MSH4: variants seen among roughly 807,000 people sequenced by gnomAD.
The protein encoded by MSH4 is mutS homolog 4.
A neutral mutation model predicts 113.7 loss-of-function variants in MSH4; 106 were observed. The ratio of observed to expected loss-of-function variants is 0.93; its 90% CI spans 0.80 to 1.10. MSH4 has a LOEUF of 1.10. Among genes scored for constraint, MSH4 ranks in the 50% least tolerant of loss-of-function variants. The probability of loss-of-function intolerance (pLI) is 0.00; values close to 1 mark genes in which losing one functional copy is unlikely to be tolerated. For synonymous variants in MSH4, 368 were observed against 380.2 expected, an observed-to-expected ratio of 0.97 and a Z score of 0.37; for missense variants, 1,061 against 1,093.7, an observed-to-expected ratio of 0.97 and a Z score of 0.42.
intron 7 of MSH4, 60 bp from the exon 8 acceptor site, chr1:75,848,149 A>C: frequency 9.5e-7 from 1 of 1,052,508 alleles, no homozygotes; most frequent in Non-Finnish European, 1.4e-6. Context: ...TATTTTACAT[A>C]GTCAATATTT....
At chr1:75,896,213 TG>T (rs1260609824) in intron 17 of MSH4, among the ~76,000 whole-genome samples, 1 of 152,168 alleles carries the variant, frequency 6.6e-6, no homozygotes, top group Non-Finnish European at 1.5e-5. Flanking sequence ...GTCTACAGCT[TG>T]CAGGCATTTG....
chr1:75,867,628 T>G, intron 9 of MSH4, 40 bp downstream of exon 9: 1 of 1,319,264 alleles, frequency 7.6e-7, no homozygotes, highest in Non-Finnish European at 1.1e-6. Flanking sequence ...ATGTCCAGCA[T>G]TATTTTTTAA....
At chr1:75,804,036 C>A in intron 2 of MSH4, 123 bp downstream of exon 2, 1 of 586,662 alleles carries the variant, frequency 1.7e-6, no homozygotes, top group Non-Finnish European at 2.6e-6. Context: ...AAAATAAATA[C>A]ATTAGTTTAC....
chr1:75,908,471 C>A (rs1652716618), intron 19 of MSH4, among the ~76,000 whole-genome samples: 1 of 152,128 alleles, frequency 6.6e-6, no homozygotes, highest in Non-Finnish European at 1.5e-5. Context: ...TATTAAATTT[C>A]TCTGATAAAT....
At chr1:75,907,883 A>T (rs1652702902) in intron 19 of MSH4, among the ~76,000 whole-genome samples, 1 of 149,772 alleles carries the variant, frequency 6.7e-6, no homozygotes, top group Non-Finnish European at 1.5e-5. Context: ...TGCCTGTCTA[A>T]TTTTTTTAGT....
chr1:75,845,489 G>C (rs765218303), intron 7 of MSH4, among the ~76,000 whole-genome samples: 1 of 152,182 alleles, frequency 6.6e-6, no homozygotes, highest in Non-Finnish European at 1.5e-5. Flanking sequence ...AAGGAAATCA[G>C]TTCAAACCTC....
intron 8 of MSH4, among the ~76,000 whole-genome samples, chr1:75,862,078 C>T (rs188705376): frequency 7.9e-5 from 12 of 152,130 alleles, no homozygotes; most frequent in African/African-American, 1.2e-4. Flanking sequence ...TCTCTGTGGG[C>T]GTGGAACCTG....
chr1:75,908,016 A>G lies in MSH4; in HGVS notation c.2620-4680A>G, dbSNP rs542167558. On this transcript the variant is annotated intron_variant, in intron 19 of 19. Coordinates refer to ENST00000263187, the MANE Select transcript of MSH4 (RefSeq NM_002440.4). ...TGAGCCACTGTGCCTGGCTAATCTC[A>G]CTGATTCTTTCTTCTGCTTGATCTA... is the stretch of plus-strand genomic sequence containing the variant. 9.4e-5 allele frequency among the ~76,000 whole-genome samples: 14 copies of G among 149,380 alleles called. No homozygotes were observed. The South Asian group carries it at 2.8e-3, about 29-fold the overall frequency.
At position 75,892,038 on chromosome 1, in the gene MSH4, T is replaced by C. The variant is rs368348029; in HGVS notation, c.2355+1214T>C. 3.9e-4 allele frequency among the ~76,000 whole-genome samples: 60 copies of C among 152,252 alleles called. 1 individual carries two copies. Among genetic ancestry groups the C allele is most frequent in the African/African-American group, 1.4e-3 (59 of 41,538 alleles). ...AGGGTGTTTCTGGATGAGATTAGAA[T>C]TGGTAAACTGAGTAAAGCAGATTGC... is the stretch of plus-strand genomic sequence containing the variant. On this transcript the variant is annotated intron_variant, in intron 17 of 19. Coordinates refer to ENST00000263187, the MANE Select transcript of MSH4 (RefSeq NM_002440.4).
In MSH4 at chr1:75,797,088, C is replaced by A. The variant is rs143196853; in HGVS notation, c.103C>A (p.Leu35Ile). 685 of 1,614,058 alleles carry A rather than the reference C, an allele frequency of 4.2e-4. 2 individuals carry two copies. Among genetic ancestry groups the A allele is most frequent in the Middle Eastern group, 1.6e-3 (10 of 6,062 alleles). Residue 35 changes from leucine to isoleucine, a missense_variant, in exon 1 of 20, where the codon CTC becomes ATC. By Grantham distance (5) the Leu-to-Ile change is conservative. Coordinates refer to ENST00000263187, the MANE Select transcript of MSH4 (RefSeq NM_002440.4). Reference protein sequence around the residue: ...SPQGPRYNFGLQETPQSRPSV... With the variant: ...SPQGPRYNFGIQETPQSRPSV... ...TCAGGGTCCCCGCTACAATTTCGGA[C>A]TCCAGGAGACTCCACAGAGCCGCCC...
At chr1:75,821,738 A>C (rs553358923) in intron 6 of MSH4, among the ~76,000 whole-genome samples, 2 of 152,256 alleles carry the variant, frequency 1.3e-5, no homozygotes, top group South Asian at 4.1e-4. Flanking sequence ...CCTCCTGACT[A>C]ACTGGGACTA....
At chr1:75,861,122 A>G (rs563940375) in intron 8 of MSH4, among the ~76,000 whole-genome samples, 15 of 152,150 alleles carry the variant, frequency 9.9e-5, no homozygotes, top group African/African-American at 3.6e-4. Context: ...CAGGACATTT[A>G]AGCTCTTCTC....
intron 18 of MSH4, among the ~76,000 whole-genome samples, chr1:75,898,501 G>A (rs1355749771): frequency 6.7e-6 from 1 of 149,110 alleles, no homozygotes; most frequent in African/African-American, 2.5e-5. Flanking sequence ...TCTTAAAAGA[G>A]AATGTATTAC....
chr1:75,892,410 C>G (rs1248877430), intron 17 of MSH4, among the ~76,000 whole-genome samples: 1 of 152,010 alleles, frequency 6.6e-6, no homozygotes, highest in Admixed American at 6.6e-5. Context: ...CTCTCTCACT[C>G]TCACTCCTGC....
intron 19 of MSH4, 145 bp from the exon 20 acceptor site, chr1:75,912,551 A>G: frequency 2.5e-6 from 1 of 401,652 alleles, no homozygotes. Context: ...TCCTTGTTGG[A>G]GGAAACTGAT....
intron 7 of MSH4, among the ~76,000 whole-genome samples, chr1:75,836,816 T>C (rs1650839263): frequency 6.6e-6 from 1 of 152,246 alleles, no homozygotes; most frequent in South Asian, 2.1e-4. Flanking sequence ...ATTTCCTAAA[T>C]GCTATGGCTC....
chr1:75,828,580 C>T (rs1323790968), intron 7 of MSH4, among the ~76,000 whole-genome samples: 4 of 152,208 alleles, frequency 2.6e-5, no homozygotes, highest in Non-Finnish European at 5.9e-5. Flanking sequence ...ACTGCATGTT[C>T]TTACTTATAT....
intron 7 of MSH4, among the ~76,000 whole-genome samples, chr1:75,838,397 A>G (rs1650877464): frequency 1.3e-5 from 2 of 152,184 alleles, no homozygotes; most frequent in South Asian, 2.1e-4. Context: ...GAGACAATCC[A>G]GGATAATCTC....
chr1:75,837,523 A>C (rs1311762331), intron 7 of MSH4, among the ~76,000 whole-genome samples: 8 of 151,546 alleles, frequency 5.3e-5, no homozygotes. Context: ...AGTAGCTGAG[A>C]ATATAGGCAC....
Sources: allele counts gnomAD v4.1 joint callset (sites outside exome capture counted in the v4.1 genomes callset), GRCh38; gene constraint gnomAD v4.1.1; transcripts MANE v1.5; gene names NCBI Gene and HGNC (gene_info 2026-07-23, HGNC 2026-07-21).